RIOK2: variants seen among roughly 807,000 people sequenced by gnomAD.
RIOK2 encodes RIO kinase 2, also known as serine/threonine-protein kinase RIO2.
RIOK2 carries 46 observed loss-of-function variants against 62.4 expected under a neutral mutation model. The ratio of observed to expected loss-of-function variants is 0.74; its 90% CI spans 0.58 to 0.94. RIOK2 has a LOEUF of 0.94. Among genes scored for constraint, RIOK2 ranks in the 40% least tolerant of loss-of-function variants. The pLI, the probability that RIOK2 is intolerant of heterozygous loss-of-function variation, is 0.00. For missense variants in RIOK2, 574 were observed against 658.0 expected (o/e 0.87, Z 1.40); for synonymous variants, 197 against 216.0 (o/e 0.91, Z 0.77).
chr5:97,168,900 T>C (rs756422795), intron 6 of RIOK2, 48 bp from the exon 7 acceptor site: 2 of 1,150,240 alleles, frequency 1.7e-6, no homozygotes, highest in Non-Finnish European at 2.5e-6. Context: ...TGCTCCTCTT[T>C]TTCCTTATTA....
At position 97,183,078 on chromosome 5, in the gene RIOK2, T is replaced by A. The variant is rs367817465; in HGVS notation, c.66+48A>T. ...GAAAACTTGCAGGAACAGGAAGAGG[T>A]CACACAGTGTTAAGGGGAAGGGAGA... On this transcript the variant is annotated intron_variant, in intron 1 of 9. Transcript: ENST00000283109. 6.5e-5 allele frequency: 104 copies of A among 1,594,550 alleles called. 1 individual carries two copies. In the African/African-American group the frequency reaches 1.2e-3, roughly 19 times the overall value.
At chr5:97,165,374 A>G (rs761406333) in intron 8 of RIOK2, among the ~76,000 whole-genome samples, 12 of 152,336 alleles carry the variant, frequency 7.9e-5, no homozygotes, top group Non-Finnish European at 1.6e-4. Flanking sequence ...TCAAAATTTA[A>G]AAACAGTAGA....
At position 97,174,073 on chromosome 5, in the gene RIOK2, T is replaced by C. The variant is rs1036114714; in HGVS notation, c.499-810A>G. Among the ~76,000 whole-genome samples the C allele has an allele frequency of 2.0e-5, 3 of 152,228 alleles. No individual in the cohort carries two copies. The South Asian group carries it at 6.2e-4, about 31-fold the overall frequency. On this transcript the variant is annotated intron_variant, in intron 4 of 9. Coordinates refer to ENST00000283109, the MANE Select transcript of RIOK2 (RefSeq NM_018343.3). ...AGCTCTTGCCATCATACCTAACCTA[T>C]TCTATGTACCAATACCAGACTAACC...
At chr5:97,177,414 T>A in intron 3 of RIOK2, 123 bp from the exon 4 acceptor site, 1 of 908,132 alleles carries the variant, frequency 1.1e-6, no homozygotes, top group Non-Finnish European at 1.6e-6. Context: ...AGATTGAGTA[T>A]CCCTCCTTAT....
At chr5:97,173,308 C>A (rs751908812) in intron 4 of RIOK2, 45 bp from the exon 5 acceptor site, 2 of 1,186,594 alleles carry the variant, frequency 1.7e-6, no homozygotes, top group South Asian at 2.5e-5. Flanking sequence ...CAGGTCATTA[C>A]TCTTTAAAGA....
At position 97,179,970 on chromosome 5, in the gene RIOK2, T is replaced by C. The variant is rs1437892792; in HGVS notation, c.67-777A>G. On this transcript the variant is annotated intron_variant, in intron 1 of 9. Coordinates refer to ENST00000283109, the MANE Select transcript of RIOK2 (RefSeq NM_018343.3). ...CCAGAACTTAAAAGTATTTTATATA[T>C]ATATATAATATATATATATAAAATA... Among the ~76,000 whole-genome samples the C allele has an allele frequency of 3.3e-3, 174 of 52,778 alleles. 10 individuals are homozygous for C. Among genetic ancestry groups the C allele is most frequent in the African/African-American group, 0.011 (162 of 14,194 alleles). 34.6% of individuals were successfully genotyped at this position (52,778 alleles called of 152,430 possible).
At chr5:97,170,538 A>G (rs1446053151) in intron 6 of RIOK2, among the ~76,000 whole-genome samples, 1 of 152,180 alleles carries the variant, frequency 6.6e-6, no homozygotes, top group Non-Finnish European at 1.5e-5. Flanking sequence ...GGGAAAGACA[A>G]AAGTGGTTCT....
chr5:97,166,749 C>G, intron 8 of RIOK2: 1 of 985,056 alleles, frequency 1.0e-6, no homozygotes. Flanking sequence ...GCAGATGTTT[C>G]ATATAGAAAG....
intron 1 of RIOK2, 189 bp downstream of exon 1, chr5:97,182,937 G>T (rs1749463697): frequency 1.4e-6 from 1 of 706,600 alleles, no homozygotes; most frequent in Non-Finnish European, 2.6e-6. Flanking sequence ...CTCTATCTGG[G>T]GGAAGGTAAG....
intron 8 of RIOK2, 55 bp from the exon 9 acceptor site, chr5:97,165,202 C>T: frequency 4.8e-6 from 4 of 836,400 alleles, no homozygotes; most frequent in East Asian, 3.0e-5. Flanking sequence ...GTAATGAATC[C>T]CATTTGATTA....
rs1349007976 is a variant in RIOK2 at position 97,161,989 on chromosome 5, C to A, written c.*1072G>T. 6.6e-6 allele frequency: 1 copy of A among 152,164 alleles called. No individual in the cohort carries two copies. Among genetic ancestry groups the A allele is most frequent in the East Asian group, 1.9e-4 (1 of 5,198 alleles). The allele number at this position is 152,164 out of a possible 1,614,324, so 9.4% of individuals were successfully genotyped here. ...TTTAAGCCAATTTATTAGATAATTA[C>A]AGGTCTTGCAAATAGCTAGTAGAGT... On this transcript the variant is annotated 3_prime_UTR_variant, in exon 10 of 10. Coordinates refer to ENST00000283109, the MANE Select transcript of RIOK2 (RefSeq NM_018343.3).
intron 4 of RIOK2, among the ~76,000 whole-genome samples, chr5:97,175,083 TA>T (rs931929723): frequency 1.3e-5 from 2 of 151,568 alleles, no homozygotes; most frequent in African/African-American, 4.9e-5. Flanking sequence ...AATAAATAAA[TA>T]AATAAAAGGT....
At position 97,165,152 on chromosome 5, in the gene RIOK2, A is replaced by G; in HGVS notation, c.1398-5T>C. 2 of 1,385,788 alleles carry G rather than the reference A, an allele frequency of 1.4e-6. No homozygotes were observed. Among genetic ancestry groups the G allele is most frequent in the Non-Finnish European group, 1.9e-6 (2 of 1,049,626 alleles). The allele number at this position is 1,385,788 out of a possible 1,614,324, so 85.8% of individuals were successfully genotyped here. A position where few individuals can be genotyped will look rare whatever the true frequency, so the allele number is the denominator to read the frequency against. ...GCTCCCACATTTTCTTCATCTCTAAAATTAAAAAACCCACAATTTATCTAG... is the reference window on the plus strand; with the variant it reads ...GCTCCCACATTTTCTTCATCTCTAAGATTAAAAAACCCACAATTTATCTAG... On this transcript the variant is annotated splice_region_variant and splice_polypyrimidine_tract_variant and intron_variant, in intron 8 of 9. Transcript: ENST00000283109.
In RIOK2 at chr5:97,168,654, C is replaced by T. The variant is rs1001930198; in HGVS notation, c.872+106G>A. On this transcript the variant is annotated intron_variant, in intron 7 of 9. Coordinates refer to ENST00000283109, the MANE Select transcript of RIOK2 (RefSeq NM_018343.3). Reference sequence around the variant, plus strand: ...GAGCAATGACATCTAACAGTGATTACGTGTCAAAATTTGGAAAGTTTTTTA... The same window carrying T: ...GAGCAATGACATCTAACAGTGATTATGTGTCAAAATTTGGAAAGTTTTTTA... The T allele has an allele frequency of 2.4e-5, 15 of 629,112 alleles. No homozygotes were observed. In the Admixed American group the frequency reaches 2.4e-4, roughly 10 times the overall value. 39.0% of individuals were successfully genotyped at this position (629,112 alleles called of 1,614,324 possible).
At chr5:97,179,768 T>C in intron 1 of RIOK2, among the ~76,000 whole-genome samples, 1 of 107,906 alleles carries the variant, frequency 9.3e-6, no homozygotes, top group Admixed American at 1.4e-4. Context: ...ACAGTAAGAA[T>C]ACGTGGACAC....
chr5:97,169,609 C>A (rs185915890), intron 6 of RIOK2, among the ~76,000 whole-genome samples: 2 of 152,146 alleles, frequency 1.3e-5, no homozygotes, highest in Non-Finnish European at 1.5e-5. Context: ...AATGCCTCTC[C>A]TCTTTGCTCA....
Position 97,162,791 on chromosome 5 carries a change from C to T in RIOK2, c.*270G>A, listed in dbSNP as rs1202466708. The T allele has an allele frequency of 5.9e-6, 2 of 338,658 alleles. No homozygotes were observed. The highest frequency in any genetic ancestry group is 4.3e-5 in the African/African-American group (2 of 46,288). The allele number at this position is 338,658 out of a possible 1,614,324, so 21.0% of individuals were successfully genotyped here. The stretch of plus-strand genomic sequence containing the variant: ...ATCATCCTCAACAAACAGAAAACAA[C>T]AAAAATGTTATTTAGATTTTTAAAA... On this transcript the variant is annotated 3_prime_UTR_variant, in exon 10 of 10. Coordinates refer to ENST00000283109, the MANE Select transcript of RIOK2 (RefSeq NM_018343.3).
In RIOK2 at chr5:97,161,554, G is replaced by A. The variant is rs574262356; in HGVS notation, c.*1507C>T. On this transcript the variant is annotated 3_prime_UTR_variant, in exon 10 of 10. Transcript: ENST00000283109. ...CTAATCTTTGCCCAAATGAGGTAAG[G>A]CCTCCATTTCTGATTGGAATAATTA... 6.6e-6 allele frequency: 1 copy of A among 152,050 alleles called. No homozygotes were observed. The highest frequency in any genetic ancestry group is 6.6e-5 in the Admixed American group (1 of 15,260). The allele number at this position is 152,050 out of a possible 1,614,324, so 9.4% of individuals were successfully genotyped here. A position where few individuals can be genotyped will look rare whatever the true frequency, so the allele number is the denominator to read the frequency against.
At chr5:97,163,315 A>G (rs1461072221) in intron 9 of RIOK2, 90 bp from the exon 10 acceptor site, 3 of 1,074,424 alleles carry the variant, frequency 2.8e-6, no homozygotes, top group Non-Finnish European at 4.1e-6. Context: ...TATTGACACC[A>G]TGAATTTTAA....
Sources: allele counts gnomAD v4.1 joint callset (sites outside exome capture counted in the v4.1 genomes callset), GRCh38; gene constraint gnomAD v4.1.1; transcripts MANE v1.5; gene names NCBI Gene and HGNC (gene_info 2026-07-23, HGNC 2026-07-21).